Variants in NKAIN4 observed in about 807,000 individuals in gnomAD.
NKAIN4 encodes the protein sodium/potassium-transporting ATPase subunit beta-1-interacting protein 4.
Under a neutral mutation model 28.8 loss-of-function variants are expected in NKAIN4, and 28 were observed. The observed-to-expected ratio is 0.97, with a 90% CI of 0.72 to 1.33. The LOEUF is 1.33. NKAIN4 is among the 40% of genes most tolerant of loss of function. NKAIN4 has a pLI of 0.00. For synonymous variants in NKAIN4, 122 were observed against 115.6 expected (o/e 1.06, Z -0.36); for missense variants, 289 against 277.2 (o/e 1.04, Z -0.30).
intron 1 of NKAIN4, among the ~76,000 whole-genome samples, chr20:63,250,704 G>C (rs1463445145): frequency 2.0e-5 from 3 of 152,128 alleles, no homozygotes; most frequent in Non-Finnish European, 4.4e-5. Context: ...AGGGGGGGAG[G>C]GAAAGGTGCC....
chr20:63,246,220 A>G (rs542264715), intron 4 of NKAIN4, among the ~76,000 whole-genome samples: 41 of 152,184 alleles, frequency 2.7e-4, no homozygotes, highest in East Asian at 1.5e-3. Flanking sequence ...GAGCCACCGC[A>G]CCCAGCCTAG....
rs1316916697 is a variant in NKAIN4, at chr20:63,241,122, C to T, written c.*375G>A. ...CATCCCAGCAGCAGTGCTTGCAGCC[C>T]GAGGGTCCAGCAGCCCCAGGTGGGC... On this transcript the variant is annotated 3_prime_UTR_variant, in exon 7 of 7. Transcript: ENST00000370316. 3.3e-5 allele frequency: 9 copies of T among 271,898 alleles called. No homozygotes were observed. Among genetic ancestry groups the T allele is most frequent in the Non-Finnish European group, 6.4e-5 (9 of 141,560 alleles). 16.8% of individuals were successfully genotyped at this position (271,898 alleles called of 1,614,324 possible).
At position 63,249,808 on chromosome 20, in the gene NKAIN4, G is replaced by C. The variant is rs2066923917; in HGVS notation, c.192+127C>G. ...GCAGCAAAGAGGTCTGAACCCAGGGGTCTGGGTTGGCATTTGTGGGGTGTT... is the reference window on the plus strand; with the variant it reads ...GCAGCAAAGAGGTCTGAACCCAGGGCTCTGGGTTGGCATTTGTGGGGTGTT... On this transcript the variant is annotated intron_variant, in intron 2 of 6. Transcript: ENST00000370316. 8.3e-6 allele frequency: 8 copies of C among 967,564 alleles called. No individual in the cohort carries two copies. In the Admixed American group the frequency reaches 1.5e-4, roughly 19 times the overall value. The allele number at this position is 967,564 out of a possible 1,614,324, so 59.9% of individuals were successfully genotyped here. A position where few individuals can be genotyped will look rare whatever the true frequency, so the allele number is the denominator to read the frequency against.
At position 63,247,721 on chromosome 20, in the gene NKAIN4, G is replaced by C; in HGVS notation, c.328C>G (p.Arg110Gly). Residue 110 changes from arginine (R) to glycine (G), a missense_variant, in exon 4 of 7, where the codon CGC (arginine) becomes GGC (glycine). By Grantham distance (125) the Arg-to-Gly change is moderately radical (BLOSUM62 -2). Transcript: ENST00000370316. Reference sequence around the variant, plus strand: ...TCCTCATGCAGACAGCCTGGCCAGCGCTCACGCCACCAGGAGCGATGCCGG... The same window carrying C: ...TCCTCATGCAGACAGCCTGGCCAGCCCTCACGCCACCAGGAGCGATGCCGG... ...LSRHRSWWRE[R>G]WPGCLHEEVP... is the part of the protein sequence containing the mutation. The C allele has an allele frequency of 6.6e-7, 1 of 1,506,930 alleles. No individual in the cohort carries two copies. Among genetic ancestry groups the C allele is most frequent in the Non-Finnish European group, 8.9e-7 (1 of 1,124,800 alleles). The allele number at this position is 1,506,930 out of a possible 1,614,324, so 93.3% of individuals were successfully genotyped here. A position where few individuals can be genotyped will look rare whatever the true frequency, so the allele number is the denominator to read the frequency against.
intron 4 of NKAIN4, chr20:63,244,587 C>T: frequency 2.1e-6 from 1 of 469,944 alleles, no homozygotes; most frequent in Non-Finnish European, 4.4e-6. Context: ...AGGCTGAGGA[C>T]TCGGGGTCCA....
At chr20:63,254,688 A>C, upstream of NKAIN4, 48 of 296,458 alleles carry the variant, frequency 1.6e-4, no homozygotes, top group East Asian at 4.3e-4. Context: ...ACCGTTCTTA[A>C]AGGGGCGATG....
In NKAIN4 at chr20:63,254,452, G is replaced by A; in HGVS notation, c.-2C>T. On this transcript the variant is annotated 5_prime_UTR_variant, in exon 1 of 7. Transcript: ENST00000370316. ...GCAGCGGCCGGAGCAGGAGCCCATG[G>A]TGCCCGCCTATACAGGAGGCCCCCG... 1 of 1,378,496 alleles carries A rather than the reference G, an allele frequency of 7.3e-7. No individual in the cohort carries two copies. The allele number at this position is 1,378,496 out of a possible 1,614,324, so 85.4% of individuals were successfully genotyped here. A position where few individuals can be genotyped will look rare whatever the true frequency, so the allele number is the denominator to read the frequency against.
At chr20:63,254,548 T>G (rs1201915170), upstream of NKAIN4, 8 of 776,456 alleles carry the variant, frequency 1.0e-5, no homozygotes, top group South Asian at 1.7e-4. Context: ...CCCCGCCCCC[T>G]CCGCATCCCG....
intron 1 of NKAIN4, among the ~76,000 whole-genome samples, chr20:63,250,310 T>G (rs1346929392): frequency 6.6e-6 from 1 of 152,212 alleles, no homozygotes; most frequent in Non-Finnish European, 1.5e-5. Context: ...CAAATGAGCC[T>G]GACAGGCCCC....
intron 2 of NKAIN4, chr20:63,249,166 A>G: frequency 2.1e-6 from 1 of 466,266 alleles, no homozygotes; most frequent in Non-Finnish European, 4.0e-6. Context: ...GCGTACGGAC[A>G]CAGCATCCCT....
Position 63,254,457 on chromosome 20 carries a change from C to G in NKAIN4, c.-7G>C. ...GGCCGGAGCAGGAGCCCATGGTGCC[C>G]GCCTATACAGGAGGCCCCCGGGTGC... On this transcript the variant is annotated 5_prime_UTR_variant, in exon 1 of 7. Transcript: ENST00000370316. 7.4e-7 allele frequency: 1 copy of G among 1,356,042 alleles called. No homozygotes were observed. Among genetic ancestry groups the G allele is most frequent in the East Asian group, 3.1e-5 (1 of 32,138 alleles). The allele number at this position is 1,356,042 out of a possible 1,614,324, so 84.0% of individuals were successfully genotyped here.
chr20:63,242,821 C>T (rs535232776), intron 5 of NKAIN4, among the ~76,000 whole-genome samples, 198 bp from the exon 6 acceptor site: 19 of 47,200 alleles, frequency 4.0e-4, no homozygotes, highest in Non-Finnish European at 7.4e-4. Flanking sequence ...TCGGCCTGTG[C>T]GGGGACGGCA....
intron 1 of NKAIN4, chr20:63,253,900 C>T (rs1480639067): frequency 1.3e-5 from 2 of 155,814 alleles, no homozygotes; most frequent in East Asian, 3.9e-4. Context: ...CACCCCCCGC[C>T]CCCTACACTC....
At chr20:63,250,214 AC>A in intron 1 of NKAIN4, 142 bp from the exon 2 acceptor site, 1 of 920,338 alleles carries the variant, frequency 1.1e-6, no homozygotes, top group Non-Finnish European at 1.6e-6. Context: ...GACGAAGGAC[AC>A]CAGGGCTGTA....
intron 1 of NKAIN4, 81 bp from the exon 2 acceptor site, chr20:63,250,153 AG>A: frequency 6.8e-7 from 1 of 1,462,860 alleles, no homozygotes; most frequent in Non-Finnish European, 9.1e-7. Context: ...CCAAGGTGAC[AG>A]GATCTCAGCA....
At chr20:63,242,845 G>C (rs113223646) in intron 5 of NKAIN4, among the ~76,000 whole-genome samples, 2 of 150,584 alleles carry the variant, frequency 1.3e-5, no homozygotes, top group Non-Finnish European at 3.0e-5. Context: ...GGGGACAGTG[G>C]GGGTGGGACA....
In NKAIN4 at chr20:63,252,692, G is replaced by A. The variant is rs368037299; in HGVS notation, c.54+1705C>T. Among the ~76,000 whole-genome samples the A allele has an allele frequency of 4.9e-4, 75 of 152,302 alleles. No homozygotes were observed. The South Asian group carries it at 0.014, about 29-fold the overall frequency. On this transcript the variant is annotated intron_variant, in intron 1 of 6. Transcript: ENST00000370316. The surrounding 1 kb of genome is among the most constrained non-coding windows in gnomAD (Gnocchi z 4.6). ...GAGGACACGGCTCTGCCCAGTCCCTGGAGAGTCCCCAGGTCTGCTAGTGAA... is the reference window on the plus strand; with the variant it reads ...GAGGACACGGCTCTGCCCAGTCCCTAGAGAGTCCCCAGGTCTGCTAGTGAA...
rs895471171 is a variant in NKAIN4, at chr20:63,243,841, T to G, written c.532+183A>C. ...GGAGCCCCCAGGCTAGGACCTCTGC[T>G]AATCTCTTCCCTGGTGTGTGGCGAG... On this transcript the variant is annotated intron_variant, in intron 5 of 6. Coordinates refer to ENST00000370316, the MANE Select transcript of NKAIN4 (RefSeq NM_152864.4). The G allele has an allele frequency of 8.6e-6, 5 of 579,676 alleles. No homozygotes were observed. The African/African-American group carries it at 9.4e-5, about 11-fold the overall frequency. The allele number at this position is 579,676 out of a possible 1,614,324, so 35.9% of individuals were successfully genotyped here.
At chr20:63,248,669 G>T in intron 3 of NKAIN4, 146 bp downstream of exon 3, 1 of 642,018 alleles carries the variant, frequency 1.6e-6, no homozygotes. Context: ...ACAGACCAGG[G>T]CTGTTCTGGG....
Sources: allele counts gnomAD v4.1 joint callset (sites outside exome capture counted in the v4.1 genomes callset), GRCh38; gene constraint gnomAD v4.1.1; non-coding constraint Gnocchi (gnomAD v3.1); transcripts MANE v1.5; gene names NCBI Gene and HGNC (gene_info 2026-07-23, HGNC 2026-07-21).